Variants in ADAMTSL1 observed in about 807,000 individuals in gnomAD.
ADAMTSL1 encodes the protein ADAMTS-like protein 1.
ADAMTSL1 carries 126 observed loss-of-function variants against 201.8 expected under a neutral mutation model. The ratio of observed to expected loss-of-function variants is 0.62; its 90% CI spans 0.54 to 0.72. The LOEUF (loss-of-function observed/expected upper bound fraction) is 0.72, where lower values mean the gene tolerates loss of function less well. Among genes scored for constraint, ADAMTSL1 ranks in the 30% least tolerant of loss-of-function variants. The probability of loss-of-function intolerance (pLI) is 0.00; values close to 1 mark genes in which losing one functional copy is unlikely to be tolerated. For missense variants in ADAMTSL1, 2,679 were observed against 2,277.8 expected (o/e 1.18, Z -3.59); for synonymous variants, 1,121 against 903.4 (o/e 1.24, Z -4.32).
rs116863654 is a variant in ADAMTSL1 at position 18,232,107 on chromosome 9, G to T, written c.207+68126G>T. Among the ~76,000 whole-genome samples, 176 of 152,258 alleles carry T rather than the reference G, an allele frequency of 1.2e-3. 1 individual carries two copies. Among genetic ancestry groups the T allele is most frequent in the Non-Finnish European group, 2.2e-3 (147 of 68,026 alleles). On this transcript the variant is annotated intron_variant, in intron 2 of 29. Coordinates refer to the ADAMTSL1 transcript ENST00000680146. ...GCCAAAGTCAGAGCAGAGGCTGTCA[G>T]GCCCTAGAGGAGCCCATCTCCTATT... is the stretch of plus-strand genomic sequence containing the variant.
intron 2 of ADAMTSL1, among the ~76,000 whole-genome samples, chr9:18,403,893 T>C (rs1405892633): frequency 6.6e-6 from 1 of 152,180 alleles, no homozygotes; most frequent in African/African-American, 2.4e-5. Flanking sequence ...TGAGGGCCTG[T>C]TGTTTTTGGT....
chr9:18,477,404 T>C (rs1821506850), intron 1 of ADAMTSL1, among the ~76,000 whole-genome samples: 1 of 152,244 alleles, frequency 6.6e-6, no homozygotes, highest in South Asian at 2.1e-4. Context: ...AATTTATACA[T>C]GGCAACTAGT....
At chr9:18,395,277 T>C (rs568915543) in intron 2 of ADAMTSL1, among the ~76,000 whole-genome samples, 2 of 152,284 alleles carry the variant, frequency 1.3e-5, no homozygotes, top group South Asian at 4.1e-4. Context: ...AAAAGAATCA[T>C]GTGTTTGACC....
intron 13 of ADAMTSL1, among the ~76,000 whole-genome samples, chr9:18,698,833 C>T (rs893499757): frequency 6.6e-6 from 1 of 152,184 alleles, no homozygotes; most frequent in Non-Finnish European, 1.5e-5. Context: ...TTCTTAGAAC[C>T]TGATACCAAT....
At chr9:18,210,905 A>G (rs1829846611) in intron 2 of ADAMTSL1, among the ~76,000 whole-genome samples, 1 of 152,154 alleles carries the variant, frequency 6.6e-6, no homozygotes, top group African/African-American at 2.4e-5. Flanking sequence ...AAGGCTGTCT[A>G]GAGACAGAGA....
At chr9:18,578,744 A>G (rs1822896526) in intron 4 of ADAMTSL1, among the ~76,000 whole-genome samples, 2 of 151,982 alleles carry the variant, frequency 1.3e-5, no homozygotes, top group Admixed American at 6.6e-5. Context: ...GTATATACCC[A>G]GTAATGGGAT....
intron 15 of ADAMTSL1, among the ~76,000 whole-genome samples, chr9:18,743,179 C>T (rs1448279807): frequency 1.3e-5 from 2 of 152,136 alleles, no homozygotes; most frequent in Non-Finnish European, 2.9e-5. Flanking sequence ...TTAAATCAAG[C>T]TCTGTGTAGG....
intron 1 of ADAMTSL1, among the ~76,000 whole-genome samples, chr9:18,047,817 G>C (rs983470565): frequency 6.6e-6 from 1 of 152,184 alleles, no homozygotes; most frequent in East Asian, 1.9e-4. Context: ...CAATTACTTG[G>C]TCTGGGGAAA....
chr9:18,347,833 C>T (rs564830311), intron 2 of ADAMTSL1, among the ~76,000 whole-genome samples: 109 of 151,922 alleles, frequency 7.2e-4, no homozygotes, highest in African/African-American at 2.5e-3. Context: ...GTGTTGAATG[C>T]GGCATCAAAG....
At chr9:18,072,504 AT>A (rs1823014207) in intron 1 of ADAMTSL1, among the ~76,000 whole-genome samples, 1 of 152,200 alleles carries the variant, frequency 6.6e-6, no homozygotes, top group Non-Finnish European at 1.5e-5. Flanking sequence ...CTAGTATACT[AT>A]GTGAACTGTG....
intron 2 of ADAMTSL1, among the ~76,000 whole-genome samples, chr9:18,280,873 CTTT>C (rs138455491): frequency 7.6e-6 from 1 of 131,846 alleles, no homozygotes; most frequent in Non-Finnish European, 1.6e-5. Flanking sequence ...CTGCATTCCG[CTTT>C]TTTTTTTTTT....
At chr9:18,835,490 T>C (rs1007399288) in intron 23 of ADAMTSL1, among the ~76,000 whole-genome samples, 22 of 152,162 alleles carry the variant, frequency 1.4e-4, no homozygotes, top group African/African-American at 5.1e-4. Flanking sequence ...ACTTACCCTT[T>C]TCTTAATTTT....
chr9:18,003,660 T>C (rs950454210), intron 1 of ADAMTSL1, among the ~76,000 whole-genome samples: 2 of 152,084 alleles, frequency 1.3e-5, no homozygotes, highest in African/African-American at 4.8e-5. Flanking sequence ...TTCCAAATGT[T>C]ACATAACATC....
At position 18,639,317 on chromosome 9, in the gene ADAMTSL1, T is replaced by G; in HGVS notation, c.740T>G (p.Phe247Cys). The G allele has an allele frequency of 4.3e-6, 7 of 1,613,060 alleles. No individual in the cohort carries two copies. Among genetic ancestry groups the G allele is most frequent in the Non-Finnish European group, 5.1e-6 (6 of 1,179,346 alleles). The stretch of plus-strand genomic sequence containing the variant: ...AACAGTCTCAGCTCCACAGGAACTT[T>G]CCTTGTGGACAATTCTAGTGTGGAC... ...GENSLSSTGT[F>C]LVDNSSVDFQ... The change falls in exon 7 of 29, where the codon TTC becomes TGC. Residue 247 changes from phenylalanine to cysteine, a missense_variant. Phe to Cys is a radical substitution (Grantham distance 205, BLOSUM62 -2). Coordinates refer to ENST00000380548, the MANE Select transcript of ADAMTSL1 (RefSeq NM_001040272.6).
intron 16 of ADAMTSL1, among the ~76,000 whole-genome samples, chr9:18,759,054 C>T (rs1390021134): frequency 2.0e-5 from 3 of 152,172 alleles, no homozygotes; most frequent in Non-Finnish European, 2.9e-5. Flanking sequence ...CACTTTGAAA[C>T]ACAATTTATA....
At chr9:17,982,130 A>G (rs926957139) in intron 1 of ADAMTSL1, among the ~76,000 whole-genome samples, 2 of 152,142 alleles carry the variant, frequency 1.3e-5, no homozygotes, top group Non-Finnish European at 2.9e-5. Context: ...CTCTTGTTTT[A>G]TAGTTTTCCT....
intron 2 of ADAMTSL1, among the ~76,000 whole-genome samples, chr9:18,185,109 C>T (rs1449741300): frequency 6.6e-6 from 1 of 152,084 alleles, no homozygotes; most frequent in Non-Finnish European, 1.5e-5. Flanking sequence ...CCCCTATGAT[C>T]CTCACCTCCT....
chr9:18,876,055 G>A (rs1828129010), intron 23 of ADAMTSL1, among the ~76,000 whole-genome samples: 1 of 152,018 alleles, frequency 6.6e-6, no homozygotes, highest in Non-Finnish European at 1.5e-5. Context: ...TATAAGAATA[G>A]CTACTCCTGC....
chr9:18,230,537 G>A (rs572623102), intron 2 of ADAMTSL1, among the ~76,000 whole-genome samples: 5 of 152,186 alleles, frequency 3.3e-5, no homozygotes, highest in East Asian at 3.9e-4. Flanking sequence ...ACCCTGGCAC[G>A]TAATGGCTGC....
Sources: allele counts gnomAD v4.1 joint callset (sites outside exome capture counted in the v4.1 genomes callset), GRCh38; gene constraint gnomAD v4.1.1; transcripts MANE v1.5; gene names NCBI Gene and HGNC (gene_info 2026-07-23, HGNC 2026-07-21).